Variants in PRUNE2 observed in about 807,000 individuals in gnomAD.
PRUNE2 encodes the protein protein prune homolog 2.
In PRUNE2, 164 loss-of-function variants were observed where a neutral mutation model predicts 252.0. The ratio of observed to expected loss-of-function variants is 0.65; its 90% CI spans 0.57 to 0.74. The LOEUF (loss-of-function observed/expected upper bound fraction) is 0.74. PRUNE2 is among the 30% of genes least tolerant of loss of function. The pLI is 0.00. For missense variants in PRUNE2, 3,495 were observed against 3,711.0 expected, an observed-to-expected ratio of 0.94 and a Z score of 1.51; for synonymous variants, 1,292 against 1,350.2, an observed-to-expected ratio of 0.96 and a Z score of 0.94.
intron 9 of PRUNE2, among the ~76,000 whole-genome samples, chr9:76,670,977 ACT>A (rs1464936132): frequency 2.6e-5 from 4 of 152,170 alleles, no homozygotes; most frequent in Admixed American, 1.3e-4. Flanking sequence ...AAAACTGGAA[ACT>A]CTAAAAAGCA....
At chr9:76,798,751 G>A (rs188567402) in intron 6 of PRUNE2, among the ~76,000 whole-genome samples, 16 of 152,222 alleles carry the variant, frequency 1.1e-4, no homozygotes, top group South Asian at 2.1e-4. Flanking sequence ...TTATTAGAGC[G>A]TCCTTAAGCA....
chr9:76,646,550 C>T lies in PRUNE2; in HGVS notation c.8558-1641G>A, dbSNP rs928411429. On this transcript the variant is annotated intron_variant, in intron 11 of 18. Coordinates refer to ENST00000376718, the MANE Select transcript of PRUNE2 (RefSeq NM_015225.3). ...CATAAACCACTGGCTTCAGGCCAAG[C>T]GTCGTGTCCCTTGTGCAAATCCACC... Among the ~76,000 whole-genome samples the T allele has an allele frequency of 3.3e-5, 5 of 152,328 alleles. No individual in the cohort carries two copies. In the South Asian group the frequency reaches 6.2e-4, roughly 19 times the overall value.
At chr9:76,622,657 A>C (rs552248695) in intron 17 of PRUNE2, among the ~76,000 whole-genome samples, 2 of 152,230 alleles carry the variant, frequency 1.3e-5, no homozygotes, top group Admixed American at 6.5e-5. Flanking sequence ...AAGCAATTTG[A>C]GTGCAGGTAA....
At chr9:76,702,816 C>A (rs919141735) in intron 9 of PRUNE2, among the ~76,000 whole-genome samples, 4 of 152,260 alleles carry the variant, frequency 2.6e-5, no homozygotes, top group Admixed American at 6.5e-5. Context: ...GGTGTGTCAA[C>A]TGAGAAAGTA....
intron 1 of PRUNE2, among the ~76,000 whole-genome samples, chr9:76,861,528 G>A (rs2060545819): frequency 6.6e-6 from 1 of 152,110 alleles, no homozygotes; most frequent in Admixed American, 6.5e-5. Flanking sequence ...TAGGCGATGG[G>A]GGAGGCAAAA....
intron 6 of PRUNE2, among the ~76,000 whole-genome samples, chr9:76,795,336 G>A (rs1370632043): frequency 2.6e-5 from 4 of 152,174 alleles, no homozygotes; most frequent in Non-Finnish European, 4.4e-5. Flanking sequence ...ACCAAACTGC[G>A]GAGACCCAGA....
chr9:76,884,478 G>A (rs1215784760), intron 1 of PRUNE2, among the ~76,000 whole-genome samples: 1 of 152,176 alleles, frequency 6.6e-6, no homozygotes, highest in Non-Finnish European at 1.5e-5. Context: ...AAGACTTGGA[G>A]ATGTAAATAA....
At chr9:76,884,461 G>A (rs543154167) in intron 1 of PRUNE2, among the ~76,000 whole-genome samples, 33 of 152,266 alleles carry the variant, frequency 2.2e-4, no homozygotes, top group African/African-American at 7.2e-4. Flanking sequence ...TAACAGATGA[G>A]AAAACTAAGA....
chr9:76,631,662 C>G (rs781051324), intron 15 of PRUNE2, among the ~76,000 whole-genome samples: 22 of 152,226 alleles, frequency 1.4e-4, no homozygotes, highest in Non-Finnish European at 2.6e-4. Context: ...TTGGCACAGA[C>G]AAATTACTAA....
chr9:76,699,106 T>G (rs1183221302), intron 9 of PRUNE2, among the ~76,000 whole-genome samples: 2 of 142,198 alleles, frequency 1.4e-5, no homozygotes, highest in African/African-American at 5.2e-5. Context: ...TTGAATATCA[T>G]CCCTTTTCTC....
chr9:76,803,886 G>C (rs1293143066), intron 6 of PRUNE2, among the ~76,000 whole-genome samples: 1 of 152,130 alleles, frequency 6.6e-6, no homozygotes, highest in African/African-American at 2.4e-5. Flanking sequence ...GTCACCTGTG[G>C]ATCTGTCAGA....
At chr9:76,856,804 A>C (rs1053066279) in intron 1 of PRUNE2, among the ~76,000 whole-genome samples, 1 of 150,256 alleles carries the variant, frequency 6.7e-6, no homozygotes, top group African/African-American at 2.5e-5. Context: ...CCCAGGCTGG[A>C]GTGTAATGGC....
chr9:76,704,920 C>G lies in PRUNE2; in HGVS notation c.7354G>C (p.Gly2452Arg). The G allele has an allele frequency of 6.2e-7, 1 of 1,611,986 alleles. No individual in the cohort carries two copies. The highest frequency in any genetic ancestry group is 8.5e-7 in the Non-Finnish European group (1 of 1,178,906). Reference sequence around the variant, plus strand: ...ATATGCAGCACAGCCAGCTGGGATCCAGGCAGTCTGTTTTTGGTCTCAGCC... The same window carrying G: ...ATATGCAGCACAGCCAGCTGGGATCGAGGCAGTCTGTTTTTGGTCTCAGCC... ...NQAETKNRLP[G>R]SQLAVLHIRE... Residue 2452 changes from glycine to arginine, a missense_variant, in exon 8 of 19, where the codon GGA becomes CGA. Physicochemically the swap from Gly to Arg is moderately radical, Grantham distance 125 (BLOSUM62 -2). Coordinates refer to ENST00000376718, the MANE Select transcript of PRUNE2 (RefSeq NM_015225.3).
Position 76,708,472 on chromosome 9 carries a change from G to A in PRUNE2, c.3802C>T (p.Pro1268Ser). The A allele has an allele frequency of 2.5e-6, 4 of 1,613,928 alleles. No individual in the cohort carries two copies. Among genetic ancestry groups the A allele is most frequent in the Non-Finnish European group, 3.4e-6 (4 of 1,179,878 alleles). Residue 1268 changes from proline (P) to serine (S), a missense_variant, in exon 8 of 19, where the codon CCA becomes TCA. By Grantham distance (74) the Pro-to-Ser change is moderately conservative. Coordinates refer to ENST00000376718, the MANE Select transcript of PRUNE2 (RefSeq NM_015225.3). Reference sequence around the variant, plus strand: ...GATTCACTGGTTCCAGAGGCTGCTGGCGCATCTGGGGAATGAGTGTCTTTA... The same window carrying A: ...GATTCACTGGTTCCAGAGGCTGCTGACGCATCTGGGGAATGAGTGTCTTTA... The part of the protein sequence containing the change: ...NVKDTHSPDA[P>S]AASGTSESEA...
intron 1 of PRUNE2, among the ~76,000 whole-genome samples, chr9:76,890,375 AC>A (rs2062396644): frequency 6.6e-6 from 1 of 152,202 alleles, no homozygotes; most frequent in Non-Finnish European, 1.5e-5. Context: ...AGGAGAGGAG[AC>A]CCAGCATGGG....
intron 6 of PRUNE2, among the ~76,000 whole-genome samples, chr9:76,782,226 A>G (rs921946398): frequency 6.6e-6 from 1 of 151,894 alleles, no homozygotes; most frequent in Non-Finnish European, 1.5e-5. Flanking sequence ...AAAAAGAAAA[A>G]AAAGAAAGCA....
chr9:76,666,408 CCTAGTCCG>C (rs2040184645), intron 9 of PRUNE2, among the ~76,000 whole-genome samples: 1 of 152,212 alleles, frequency 6.6e-6, no homozygotes, highest in Admixed American at 6.5e-5. Flanking sequence ...TGGCCACGCT[CCTAGTCCG>C]CTTTCATGTT....
Position 76,709,869 on chromosome 9 carries a change from G to C in PRUNE2, c.2405C>G (p.Ala802Gly). The C allele has an allele frequency of 6.2e-7, 1 of 1,613,906 alleles. No homozygotes were observed. The highest frequency in any genetic ancestry group is 1.6e-4 in the Middle Eastern group (1 of 6,062). Reference sequence around the variant, plus strand: ...TTCATCATGATCTTCTTTACCAAATGCACTCCAGGCTGGGAATGGCGCCAC... The same window carrying C: ...TTCATCATGATCTTCTTTACCAAATCCACTCCAGGCTGGGAATGGCGCCAC... The part of the protein sequence containing the change: ...AAVAPFPAWS[A>G]FGKEDHDEAL... Residue 802 changes from alanine to glycine, a missense_variant, in exon 8 of 19, where the codon GCA becomes GGA. Ala to Gly is a moderately conservative substitution (Grantham distance 60). Transcript: ENST00000376718.
intron 6 of PRUNE2, among the ~76,000 whole-genome samples, chr9:76,762,623 T>C (rs78028685): frequency 0.02 from 3,020 of 152,298 alleles, 50 homozygotes; most frequent in Middle Eastern, 0.027. Context: ...TCCACGTTTC[T>C]TTTTACATGT....
Sources: gnomAD v4.1 joint callset for allele counts (sites outside exome capture counted in the v4.1 genomes callset) on GRCh38, gnomAD v4.1.1 for gene constraint, MANE v1.5 for transcripts, NCBI Gene and HGNC (gene_info 2026-07-23, HGNC 2026-07-21) for gene names.